Variants in DYM observed in about 807,000 individuals in gnomAD.
DYM encodes dyggve-Melchior-Clausen syndrome protein.
Under a neutral mutation model 93.1 loss-of-function variants are expected in DYM, and 78 were observed. The ratio of observed to expected loss-of-function variants is 0.84; its 90% CI spans 0.70 to 1.01. The LOEUF is 1.01. Ranked by LOEUF, DYM falls within the 50% of genes least tolerant of loss-of-function variation. The pLI, the probability that DYM is intolerant of heterozygous loss-of-function variation, is 0.00. For synonymous variants in DYM, 321 were observed against 319.7 expected (o/e 1.00, Z -0.04); for missense variants, 789 against 845.0 (o/e 0.93, Z 0.82).
intron 17 of DYM, among the ~76,000 whole-genome samples, chr18:49,054,575 G>A (rs954403485): frequency 3.9e-5 from 6 of 152,162 alleles, no homozygotes; most frequent in African/African-American, 1.4e-4. Context: ...AAATTATAAA[G>A]GACCACTTAT....
At chr18:49,296,348 T>C (rs535321018) in intron 8 of DYM, among the ~76,000 whole-genome samples, 22 of 152,358 alleles carry the variant, frequency 1.4e-4, no homozygotes, top group African/African-American at 5.3e-4. Context: ...CAGAGGAAGC[T>C]TGCTGTGCCC....
rs558984923 is a variant in DYM, at chr18:49,441,973, C to T, written c.-53-11526G>A. On this transcript the variant is annotated intron_variant, in intron 1 of 17. Coordinates refer to ENST00000675505, the MANE Select transcript of DYM (RefSeq NM_001353214.3). ...AGAGAATGAAGATAAAGTCAACTTG[C>T]TACAGCTCCACAGTGAGTTTCCCTG... is the stretch of plus-strand genomic sequence containing the variant. Among the ~76,000 whole-genome samples, 14 of 152,256 alleles carry T rather than the reference C, an allele frequency of 9.2e-5. No homozygotes were observed. In the South Asian group the frequency reaches 2.3e-3, roughly 25 times the overall value.
At chr18:49,316,896 C>T (rs920916776) in intron 8 of DYM, among the ~76,000 whole-genome samples, 7 of 152,150 alleles carry the variant, frequency 4.6e-5, no homozygotes, top group African/African-American at 1.7e-4. Flanking sequence ...CTTAACAGCT[C>T]TTTTCTTCTT....
chr18:49,336,354 A>T (rs903875427), intron 6 of DYM, among the ~76,000 whole-genome samples: 3 of 152,192 alleles, frequency 2.0e-5, no homozygotes, highest in Non-Finnish European at 4.4e-5. Flanking sequence ...CACAATCAGA[A>T]GTGAGAGAAC....
chr18:49,368,190 T>C (rs1300101883), intron 5 of DYM, among the ~76,000 whole-genome samples: 2 of 152,206 alleles, frequency 1.3e-5, no homozygotes, highest in Non-Finnish European at 2.9e-5. Flanking sequence ...CAAACAGAAA[T>C]GTTTCTAATT....
chr18:49,333,729 A>G lies in DYM; in HGVS notation c.619T>C (p.Cys207Arg). The G allele has an allele frequency of 6.2e-7, 1 of 1,613,856 alleles. No homozygotes were observed. Among genetic ancestry groups the G allele is most frequent in the Non-Finnish European group, 8.5e-7 (1 of 1,179,800 alleles). Residue 207 changes from cysteine to arginine, a missense_variant and splice_region_variant, in exon 7 of 18, where the codon TGT becomes CGT. By Grantham distance (180) the Cys-to-Arg change is radical (BLOSUM62 -3). Around this residue, in one of 3 missense-constraint regions of DYM, gnomAD observed 450 missense variants for 436.2 expected, o/e 1.03. Transcript: ENST00000675505. ...GACATACTTAAAGTAGAAACATACCATGGACCTCGCATCAAATACTTGTGG... is the reference window on the plus strand; with the variant it reads ...GACATACTTAAAGTAGAAACATACCGTGGACCTCGCATCAAATACTTGTGG... ...ISHKYLMRGP[C>R]LPYTSKLVKT...
intron 5 of DYM, among the ~76,000 whole-genome samples, chr18:49,368,325 A>G (rs1441117284): frequency 1.3e-5 from 2 of 152,238 alleles, no homozygotes; most frequent in Admixed American, 6.5e-5. Flanking sequence ...AAATATGACA[A>G]AACAATCACA....
At chr18:49,201,693 T>C (rs2145899019) in intron 14 of DYM, among the ~76,000 whole-genome samples, 1 of 152,374 alleles carries the variant, frequency 6.6e-6, no homozygotes, top group East Asian at 1.9e-4. Context: ...GCATATGTCA[T>C]GTGCTCTTCT....
In DYM at chr18:49,242,326, A is replaced by G. The variant is rs117238832; in HGVS notation, c.1460+14684T>C. On this transcript the variant is annotated intron_variant, in intron 13 of 17. Transcript: ENST00000675505. ...CTACTTGGGAGGCTGAGGCATGAAG[A>G]TCGCTTGAAACTGGGAGGCGGAGGT... is the stretch of plus-strand genomic sequence containing the variant. Among the ~76,000 whole-genome samples the G allele has an allele frequency of 4.7e-3, 715 of 152,316 alleles. 22 individuals carry two copies. The East Asian group carries it at 0.081, about 17-fold the overall frequency.
At chr18:49,179,524 G>A (rs1309926601) in intron 14 of DYM, among the ~76,000 whole-genome samples, 4 of 152,012 alleles carry the variant, frequency 2.6e-5, no homozygotes, top group South Asian at 4.1e-4. Flanking sequence ...ATATCTTCAG[G>A]TCTGTCAAAA....
intron 11 of DYM, among the ~76,000 whole-genome samples, chr18:49,271,232 A>G (rs2094689506): frequency 6.6e-6 from 1 of 152,194 alleles, no homozygotes. Context: ...CAAATAAAAA[A>G]CAGGGCAATG....
chr18:49,165,625 ATGT>A (rs2087769767), intron 14 of DYM, among the ~76,000 whole-genome samples: 4 of 152,154 alleles, frequency 2.6e-5, no homozygotes, highest in Admixed American at 2.6e-4. Context: ...GTAATGTTAG[ATGT>A]TGTACAAAAC....
intron 13 of DYM, among the ~76,000 whole-genome samples, chr18:49,217,821 C>T (rs62104571): frequency 0.21 from 32,538 of 151,908 alleles, 3,521 homozygotes; most frequent in East Asian, 0.36. Context: ...TAAAGACCGT[C>T]GAGGCTGGGA....
At chr18:49,174,832 A>C (rs957068267) in intron 14 of DYM, among the ~76,000 whole-genome samples, 4 of 151,010 alleles carry the variant, frequency 2.6e-5, no homozygotes, top group Non-Finnish European at 5.9e-5. Context: ...ACTTAAGCTG[A>C]GACAGAGAGA....
intron 14 of DYM, among the ~76,000 whole-genome samples, chr18:49,183,052 AT>A (rs1207368634): frequency 2.6e-5 from 4 of 152,180 alleles, no homozygotes; most frequent in Admixed American, 2.6e-4. Flanking sequence ...TTTTAATGTA[AT>A]GTTTTTCCTT....
At chr18:49,055,874 C>A (rs73439647) in intron 17 of DYM, among the ~76,000 whole-genome samples, 3,798 of 152,304 alleles carry the variant, frequency 0.025, 150 homozygotes, top group African/African-American at 0.085. Flanking sequence ...TTCCCTCCAG[C>A]GTTCCAGGAA....
chr18:49,154,117 G>T (rs1302540283), intron 15 of DYM, among the ~76,000 whole-genome samples: 1 of 152,030 alleles, frequency 6.6e-6, no homozygotes, highest in Non-Finnish European at 1.5e-5. Context: ...TCCAAATTGG[G>T]GGATATTCCA....
At chr18:49,278,517 C>T (rs558312784) in intron 10 of DYM, among the ~76,000 whole-genome samples, 11 of 152,268 alleles carry the variant, frequency 7.2e-5, no homozygotes, top group Admixed American at 1.3e-4. Flanking sequence ...AAGGAACTTC[C>T]CTTTACCTTT....
chr18:49,145,108 C>CACATATATAT (rs74174741), intron 15 of DYM, among the ~76,000 whole-genome samples: 4 of 18,746 alleles, frequency 2.1e-4, no homozygotes, highest in South Asian at 2.4e-3. Flanking sequence ...CAAAAAAATT[C>CACATATATAT]ATATATATAT....
Sources: allele counts gnomAD v4.1 joint callset (sites outside exome capture counted in the v4.1 genomes callset), GRCh38; gene constraint gnomAD v4.1.1; regional missense constraint gnomAD v4.1.1; transcripts MANE v1.5; gene names NCBI Gene and HGNC (gene_info 2026-07-23, HGNC 2026-07-21).